PLXNA4: variants seen among roughly 807,000 people sequenced by gnomAD.
The protein encoded by PLXNA4 is plexin-A4.
PLXNA4 carries 44 observed loss-of-function variants against 191.8 expected under a neutral mutation model. That is an observed-to-expected ratio of 0.23 (90% confidence interval 0.18 to 0.29). PLXNA4 has a LOEUF of 0.29. PLXNA4 is among the 10% of genes least tolerant of loss of function. The pLI, the probability that PLXNA4 is intolerant of heterozygous loss-of-function variation, is 1.00. For synonymous variants in PLXNA4, 1,082 were observed against 1,009.5 expected (o/e 1.07, Z -1.36); for missense variants, 1,800 against 2,488.8 (o/e 0.72, Z 5.89).
rs539778356 is a variant in PLXNA4, at chr7:132,576,237, C to A, written c.-87+185G>T. On this transcript the variant is annotated intron_variant, in intron 1 of 31. Transcript: ENST00000321063. The surrounding 1 kb of genome is among the most constrained non-coding windows in gnomAD (Gnocchi z 5.8). ...CACCTCCGCGGGCGTCCAGGTGGGACGTGGGCAGGTGCGCGAGCGCCGTGT... is the reference window on the plus strand; with the variant it reads ...CACCTCCGCGGGCGTCCAGGTGGGAAGTGGGCAGGTGCGCGAGCGCCGTGT... Among the ~76,000 whole-genome samples, 4 of 152,298 alleles carry A rather than the reference C, an allele frequency of 2.6e-5. No individual in the cohort carries two copies. The highest frequency in any genetic ancestry group is 2.1e-4 in the South Asian group (1 of 4,822).
rs1258250095 is a variant in PLXNA4 at position 132,179,599 on chromosome 7, C to T, written c.3874+88G>A. On this transcript the variant is annotated intron_variant, in intron 20 of 31. Transcript: ENST00000321063. The stretch of plus-strand genomic sequence containing the variant: ...CCAGCCTGCTTGTTTGTATATGAAA[C>T]ATATGCATACACATACACAGATGTG... The T allele has an allele frequency of 8.5e-6, 13 of 1,526,026 alleles. No homozygotes were observed. The South Asian group carries it at 1.4e-4, about 16-fold the overall frequency. The allele number at this position is 1,526,026 out of a possible 1,614,324, so 94.5% of individuals were successfully genotyped here. A position where few individuals can be genotyped will look rare whatever the true frequency, so the allele number is the denominator to read the frequency against.
intron 2 of PLXNA4, among the ~76,000 whole-genome samples, chr7:132,643,461 C>T (rs1021442461): frequency 6.7e-6 from 1 of 149,314 alleles, no homozygotes; most frequent in African/African-American, 2.5e-5. Flanking sequence ...CTGCCCCAAA[C>T]CCAAATGCTG....
chr7:132,542,834 GTTCT>G (rs1383631050), intron 1 of PLXNA4, among the ~76,000 whole-genome samples: 1 of 151,864 alleles, frequency 6.6e-6, no homozygotes, highest in Non-Finnish European at 1.5e-5. Flanking sequence ...TTTCTTTTTG[GTTCT>G]TGTTTGAAAT....
At chr7:132,517,319 A>G (rs543637380) in intron 1 of PLXNA4, among the ~76,000 whole-genome samples, 1 of 152,290 alleles carries the variant, frequency 6.6e-6, no homozygotes, top group East Asian at 1.9e-4. Context: ...TTCCATGCCA[A>G]AGCAGGGAAG....
At chr7:132,192,424 G>A (rs528568793) in intron 14 of PLXNA4, among the ~76,000 whole-genome samples, 2 of 151,744 alleles carry the variant, frequency 1.3e-5, no homozygotes, top group Admixed American at 1.3e-4. Context: ...AGGCAGATGA[G>A]ATAAAGGAGG....
At chr7:132,142,321 C>T (rs1304653585) in intron 29 of PLXNA4, among the ~76,000 whole-genome samples, 3 of 152,336 alleles carry the variant, frequency 2.0e-5, no homozygotes, top group East Asian at 1.9e-4. Flanking sequence ...CCCACCTCTG[C>T]CTCCTGCCAT....
chr7:132,575,497 G>A (rs1282492257), intron 1 of PLXNA4, among the ~76,000 whole-genome samples: 1 of 152,114 alleles, frequency 6.6e-6, no homozygotes, highest in African/African-American at 2.4e-5. Flanking sequence ...CTCTTTCTCA[G>A]ACACACACCA....
intron 29 of PLXNA4, among the ~76,000 whole-genome samples, chr7:132,143,823 TG>T (rs1795339398): frequency 6.6e-6 from 1 of 152,230 alleles, no homozygotes; most frequent in Non-Finnish European, 1.5e-5. Flanking sequence ...TCAGAAAGGT[TG>T]GAAGAACCCC....
Position 132,134,279 on chromosome 7 carries a change from T to C in PLXNA4, c.5439-1080A>G, listed in dbSNP as rs145725719. Among the ~76,000 whole-genome samples, 815 of 152,300 alleles carry C rather than the reference T, an allele frequency of 5.4e-3. 9 individuals carry two copies. Among genetic ancestry groups the C allele is most frequent in the Middle Eastern group, 0.027 (8 of 292 alleles). Reference sequence around the variant, plus strand: ...CAGCCCTGTGTCTTTCCCAGCCCTATCCTTCACTTCTCCAACCAGGACCCT... The same window carrying C: ...CAGCCCTGTGTCTTTCCCAGCCCTACCCTTCACTTCTCCAACCAGGACCCT... On this transcript the variant is annotated intron_variant, in intron 30 of 31. Transcript: ENST00000321063.
chr7:132,158,700 G>A (rs540195513), intron 25 of PLXNA4, among the ~76,000 whole-genome samples: 4 of 152,254 alleles, frequency 2.6e-5, no homozygotes, highest in African/African-American at 9.6e-5. Flanking sequence ...AGGACTTGAC[G>A]GCACCAGGAC....
chr7:132,472,353 A>G (rs1464133657), intron 3 of PLXNA4, among the ~76,000 whole-genome samples: 4 of 152,166 alleles, frequency 2.6e-5, no homozygotes, highest in Admixed American at 6.5e-5. Flanking sequence ...AAGAGCATCA[A>G]TTATCTATAT....
At chr7:132,550,405 A>G (rs1362399029) in intron 1 of PLXNA4, among the ~76,000 whole-genome samples, 1 of 152,224 alleles carries the variant, frequency 6.6e-6, no homozygotes, top group Non-Finnish European at 1.5e-5. Flanking sequence ...TCAGACATAC[A>G]GCCTGATCTC....
At chr7:132,383,624 G>A in intron 3 of PLXNA4, 5 of 983,366 alleles carry the variant, frequency 5.1e-6, no homozygotes, top group Non-Finnish European at 6.0e-6. Context: ...AGTTTTCAAT[G>A]ACTACATAAA....
intron 2 of PLXNA4, among the ~76,000 whole-genome samples, chr7:132,633,475 G>A (rs1256349533): frequency 1.3e-5 from 2 of 151,998 alleles, no homozygotes; most frequent in South Asian, 2.1e-4. Flanking sequence ...TAGAGACAGG[G>A]TTTCACCATA....
At chr7:132,305,213 A>G (rs776485855) in intron 3 of PLXNA4, among the ~76,000 whole-genome samples, 2 of 152,086 alleles carry the variant, frequency 1.3e-5, no homozygotes, top group Non-Finnish European at 2.9e-5. Context: ...CTGACTAACA[A>G]TTGCATAGAT....
At chr7:132,536,443 G>C (rs73158886) in intron 1 of PLXNA4, among the ~76,000 whole-genome samples, 3,606 of 152,288 alleles carry the variant, frequency 0.024, 70 homozygotes, top group Non-Finnish European at 0.037. Context: ...CTGACACATA[G>C]AGGTCTCAAC....
rs533269922 is a variant in PLXNA4 at position 132,240,410 on chromosome 7, TGGAGCCACACAAAA to T, written c.1604+642_1604+655del. ...TTCTTCCCTCTTCTGAATAATAAAATGGAGCCACACAAAAGGAGGCACATTGGCAAGAGGCCAGC... is the reference window on the plus strand; with the variant it reads ...TTCTTCCCTCTTCTGAATAATAAAATGGAGGCACATTGGCAAGAGGCCAGC... On this transcript the variant is annotated intron_variant, in intron 5 of 31. Transcript: ENST00000321063. 1.7e-4 allele frequency among the ~76,000 whole-genome samples: 26 copies of T among 152,308 alleles called. No individual in the cohort carries two copies. The South Asian group carries it at 5.4e-3, about 32-fold the overall frequency.
At chr7:132,520,723 C>G (rs1366819139) in intron 1 of PLXNA4, among the ~76,000 whole-genome samples, 2 of 152,148 alleles carry the variant, frequency 1.3e-5, no homozygotes, top group Non-Finnish European at 2.9e-5. Context: ...ACCTCAGCAT[C>G]TGTCCGGCCG....
chr7:132,500,537 C>T (rs188236904), intron 2 of PLXNA4, among the ~76,000 whole-genome samples: 3 of 152,116 alleles, frequency 2.0e-5, no homozygotes, highest in Admixed American at 6.6e-5. Context: ...ATCCTAGGGC[C>T]TGAGATACCA....
Sources: allele counts gnomAD v4.1 joint callset (sites outside exome capture counted in the v4.1 genomes callset), GRCh38; gene constraint gnomAD v4.1.1; non-coding constraint Gnocchi (gnomAD v3.1); transcripts MANE v1.5; gene names NCBI Gene and HGNC (gene_info 2026-07-23, HGNC 2026-07-21).